Variants in KCNK2 observed in about 807,000 individuals in gnomAD.
KCNK2 encodes the protein potassium two pore domain channel subfamily K member 2.
KCNK2 carries 21 observed loss-of-function variants against 40.5 expected under a neutral mutation model. The observed-to-expected ratio is 0.52, with a 90% confidence interval of 0.37 to 0.75. KCNK2 has a LOEUF of 0.75. Among genes scored for constraint, KCNK2 ranks in the 30% least tolerant of loss-of-function variants. The probability of loss-of-function intolerance (pLI) is 0.00; values close to 1 mark genes in which losing one functional copy is unlikely to be tolerated. For synonymous variants in KCNK2, 191 were observed against 202.2 expected (o/e 0.94, Z 0.47); for missense variants, 399 against 531.6 (o/e 0.75, Z 2.45).
At chr1:215,028,216 G>A (rs1464729141) in intron 1 of KCNK2, among the ~76,000 whole-genome samples, 3 of 152,042 alleles carry the variant, frequency 2.0e-5, no homozygotes, top group East Asian at 1.9e-4. Context: ...GTGAAACCCC[G>A]TCTCTACTAA....
intron 6 of KCNK2, among the ~76,000 whole-genome samples, chr1:215,213,095 A>C (rs1392651261): frequency 6.6e-6 from 1 of 152,188 alleles, no homozygotes; most frequent in Non-Finnish European, 1.5e-5. Flanking sequence ...GACATCATGC[A>C]GTTTACAGGC....
At chr1:215,052,172 C>A (rs1041144072) in intron 1 of KCNK2, among the ~76,000 whole-genome samples, 3 of 151,656 alleles carry the variant, frequency 2.0e-5, no homozygotes, top group Non-Finnish European at 4.4e-5. Context: ...TGTAAACACA[C>A]CGAAAATTAA....
chr1:215,172,856 C>T (rs1663779920), intron 5 of KCNK2, among the ~76,000 whole-genome samples: 1 of 152,010 alleles, frequency 6.6e-6, no homozygotes, highest in African/African-American at 2.4e-5. Context: ...GGGGTTTCAC[C>T]ATGTTGATCA....
At chr1:215,210,133 TATAA>T (rs1276254257) in intron 6 of KCNK2, among the ~76,000 whole-genome samples, 3 of 125,678 alleles carry the variant, frequency 2.4e-5, no homozygotes, top group Admixed American at 9.9e-5. Flanking sequence ...AAATATACAC[TATAA>T]ATATATAGTA....
intron 6 of KCNK2, among the ~76,000 whole-genome samples, chr1:215,219,672 A>AT (rs947860343): frequency 1.1e-3 from 165 of 151,752 alleles, no homozygotes; most frequent in African/African-American, 3.6e-3. Flanking sequence ...TTTAATGCAT[A>AT]TTTTTTTTGG....
chr1:215,093,865 A>AT (rs1659855677), intron 2 of KCNK2, among the ~76,000 whole-genome samples: 1 of 92,540 alleles, frequency 1.1e-5, no homozygotes, highest in Admixed American at 1.9e-4. Context: ...TATATATAAA[A>AT]ATATATTATA....
At chr1:215,121,388 T>C (rs1015561521) in intron 2 of KCNK2, among the ~76,000 whole-genome samples, 1 of 152,058 alleles carries the variant, frequency 6.6e-6, no homozygotes, top group Non-Finnish European at 1.5e-5. Flanking sequence ...CTCAAGCAAT[T>C]CTCCCACCTC....
chr1:215,007,685 G>A (rs1656232651), intron 1 of KCNK2, among the ~76,000 whole-genome samples: 1 of 152,088 alleles, frequency 6.6e-6, no homozygotes, highest in African/African-American at 2.4e-5. Context: ...GATTGCATCT[G>A]ATTAGAAGTA....
At chr1:215,026,085 G>A (rs1656989720) in intron 1 of KCNK2, among the ~76,000 whole-genome samples, 1 of 151,900 alleles carries the variant, frequency 6.6e-6, no homozygotes, top group Non-Finnish European at 1.5e-5. Context: ...TTCAGTTTCT[G>A]TTTCCCTGTT....
intron 6 of KCNK2, among the ~76,000 whole-genome samples, chr1:215,197,054 T>C (rs1379444736): frequency 6.6e-6 from 1 of 152,164 alleles, no homozygotes; most frequent in East Asian, 1.9e-4. Flanking sequence ...AATATCTTAA[T>C]ATTTTTGTGG....
chr1:215,007,037 ATG>A (rs1214318973), intron 1 of KCNK2, among the ~76,000 whole-genome samples: 626 of 51,300 alleles, frequency 0.012, 9 homozygotes, highest in African/African-American at 0.017. Flanking sequence ...ATATATATAT[ATG>A]TGTGTGTGTG....
At chr1:215,171,130 T>C (rs558022506) in intron 4 of KCNK2, among the ~76,000 whole-genome samples, 1 of 152,306 alleles carries the variant, frequency 6.6e-6, no homozygotes, top group East Asian at 1.9e-4. Context: ...CTATATTTTT[T>C]ACAGTAAATA....
intron 1 of KCNK2, among the ~76,000 whole-genome samples, chr1:215,011,836 G>C (rs1326858607): frequency 6.7e-6 from 1 of 150,294 alleles, no homozygotes; most frequent in African/African-American, 2.5e-5. Context: ...TTGATCTCCT[G>C]ACCTCGTGAT....
chr1:215,038,968 A>G (rs1206797486), intron 1 of KCNK2, among the ~76,000 whole-genome samples: 1 of 152,030 alleles, frequency 6.6e-6, no homozygotes, highest in Non-Finnish European at 1.5e-5. Flanking sequence ...GTTGCCATGG[A>G]AGCAATTATG....
chr1:215,019,452 A>G (rs1043298518), intron 1 of KCNK2, among the ~76,000 whole-genome samples: 5 of 152,190 alleles, frequency 3.3e-5, no homozygotes, highest in African/African-American at 9.7e-5. Context: ...CCAATATGAC[A>G]ATGTCAGTTG....
chr1:215,147,467 C>T (rs944413173), intron 3 of KCNK2, among the ~76,000 whole-genome samples: 4 of 152,204 alleles, frequency 2.6e-5, no homozygotes, highest in African/African-American at 7.2e-5. Context: ...TTTCTGGAAT[C>T]ATATTTCTTC....
At chr1:215,132,517 A>G (rs535365266) in intron 3 of KCNK2, among the ~76,000 whole-genome samples, 5 of 152,244 alleles carry the variant, frequency 3.3e-5, no homozygotes, top group African/African-American at 1.2e-4. Context: ...CTACTCTACA[A>G]TCTCATTGCA....
In KCNK2 at chr1:215,236,084, CT is replaced by C. The variant is rs148206134; in HGVS notation, c.*940del. ...TCTATCTATCTATCTATCTATCTAT[CT>C]ATCTATCTATCTAAATGACCTGACA... On this transcript the variant is annotated 3_prime_UTR_variant, in exon 7 of 7. Transcript: ENST00000444842. 3.4e-4 allele frequency: 50 copies of C among 148,254 alleles called. No individual in the cohort carries two copies. Among genetic ancestry groups the C allele is most frequent in the African/African-American group, 1.2e-3 (46 of 37,520 alleles). 9.2% of individuals were successfully genotyped at this position (148,254 alleles called of 1,614,324 possible).
At chr1:215,233,673 C>A (rs1421311672) in intron 6 of KCNK2, among the ~76,000 whole-genome samples, 1 of 152,122 alleles carries the variant, frequency 6.6e-6, no homozygotes, top group Non-Finnish European at 1.5e-5. Flanking sequence ...TAGTTGTTTG[C>A]TTGTGAAGCA....
Sources: allele counts gnomAD v4.1 joint callset (sites outside exome capture counted in the v4.1 genomes callset), GRCh38; gene constraint gnomAD v4.1.1; transcripts MANE v1.5; gene names NCBI Gene and HGNC (gene_info 2026-07-23, HGNC 2026-07-21).